IMMP2L: variants seen among roughly 807,000 people sequenced by gnomAD.
IMMP2L encodes mitochondrial inner membrane protease subunit 2.
Under a neutral mutation model 19.3 loss-of-function variants are expected in IMMP2L, and 18 were observed. The ratio of observed to expected loss-of-function variants is 0.93; its 90% confidence interval spans 0.64 to 1.38. The LOEUF is 1.38. Among genes scored for constraint, IMMP2L ranks in the 40% most tolerant of loss-of-function variants. IMMP2L has a pLI of 0.00. For missense variants in IMMP2L, 233 were observed against 218.2 expected, an observed-to-expected ratio of 1.07 and a Z score of -0.43; for synonymous variants, 76 against 73.0, an observed-to-expected ratio of 1.04 and a Z score of -0.21.
chr7:110,934,926 C>T (rs1246742252), intron 4 of IMMP2L, among the ~76,000 whole-genome samples: 2 of 152,140 alleles, frequency 1.3e-5, no homozygotes, highest in African/African-American at 4.8e-5. Context: ...ATATAGCACA[C>T]TGATAAGTCT....
chr7:110,869,747 C>A (rs991917879), intron 5 of IMMP2L, among the ~76,000 whole-genome samples: 6 of 152,054 alleles, frequency 3.9e-5, no homozygotes, highest in African/African-American at 1.4e-4. Flanking sequence ...ATTTGGGAAA[C>A]AGTGCTATAA....
intron 3 of IMMP2L, among the ~76,000 whole-genome samples, chr7:111,017,709 T>C (rs1167774479): frequency 1.3e-5 from 2 of 152,118 alleles, no homozygotes; most frequent in East Asian, 3.9e-4. Context: ...TTCACTGTCA[T>C]TCTCTCTCCC....
At chr7:111,065,019 T>A (rs959090336) in intron 3 of IMMP2L, among the ~76,000 whole-genome samples, 2 of 152,068 alleles carry the variant, frequency 1.3e-5, no homozygotes, top group African/African-American at 4.8e-5. Flanking sequence ...CCAAGCATGC[T>A]GAGGTGCTTG....
intron 4 of IMMP2L, among the ~76,000 whole-genome samples, chr7:110,960,107 T>G (rs1818778824): frequency 6.6e-6 from 1 of 151,990 alleles, no homozygotes; most frequent in Non-Finnish European, 1.5e-5. Context: ...CCCTTGGTAT[T>G]CCTAATCCTG....
At chr7:111,520,094 G>T (rs563317898) in intron 2 of IMMP2L, among the ~76,000 whole-genome samples, 1 of 152,152 alleles carries the variant, frequency 6.6e-6, no homozygotes, top group East Asian at 1.9e-4. Context: ...GATTAAAGAG[G>T]CAACGAATGT....
intron 3 of IMMP2L, among the ~76,000 whole-genome samples, chr7:111,309,365 GA>G (rs1281129954): frequency 6.6e-6 from 1 of 152,108 alleles, no homozygotes; most frequent in African/African-American, 2.4e-5. Context: ...CAGTTTGGAT[GA>G]GTATTATAAG....
At chr7:110,919,759 A>G (rs995815953) in intron 4 of IMMP2L, among the ~76,000 whole-genome samples, 2 of 152,174 alleles carry the variant, frequency 1.3e-5, no homozygotes, top group African/African-American at 4.8e-5. Flanking sequence ...GATTGCATTA[A>G]CCAAGTGTCA....
intron 3 of IMMP2L, among the ~76,000 whole-genome samples, chr7:111,161,942 C>T (rs1805308514): frequency 6.6e-6 from 1 of 151,972 alleles, no homozygotes; most frequent in Non-Finnish European, 1.5e-5. Context: ...AATTATATTA[C>T]GATATGCTTT....
chr7:110,874,040 G>T (rs921800560), intron 5 of IMMP2L, among the ~76,000 whole-genome samples: 2 of 152,078 alleles, frequency 1.3e-5, no homozygotes, highest in Non-Finnish European at 2.9e-5. Context: ...CAACCAAGTG[G>T]AAAGAATATA....
At chr7:111,089,616 C>A (rs1586187694) in intron 3 of IMMP2L, among the ~76,000 whole-genome samples, 2 of 151,980 alleles carry the variant, frequency 1.3e-5, no homozygotes, top group African/African-American at 2.4e-5. Flanking sequence ...CAACACTCAA[C>A]CATGATCCCT....
chr7:110,892,634 C>T (rs986513587), intron 4 of IMMP2L, among the ~76,000 whole-genome samples: 2 of 152,032 alleles, frequency 1.3e-5, no homozygotes, highest in African/African-American at 4.8e-5. Flanking sequence ...AACTATCATA[C>T]GTTGTAATGA....
intron 5 of IMMP2L, among the ~76,000 whole-genome samples, chr7:110,768,611 T>TTCAG (rs1353374227): frequency 2.0e-5 from 3 of 152,280 alleles, no homozygotes; most frequent in Admixed American, 6.5e-5. Context: ...ATGTTATTCC[T>TTCAG]TCAGCTTGGA....
intron 3 of IMMP2L, among the ~76,000 whole-genome samples, chr7:111,376,520 T>C (rs1279975675): frequency 6.6e-6 from 1 of 152,120 alleles, no homozygotes; most frequent in Non-Finnish European, 1.5e-5. Flanking sequence ...AACACAGAGT[T>C]ACCATATAAT....
In IMMP2L at chr7:111,142,335, A is replaced by AG. The variant is rs1562846896; in HGVS notation, c.240-178771_240-178770insC. Among the ~76,000 whole-genome samples the AG allele has an allele frequency of 6.1e-3, 381 of 62,736 alleles. 10 individuals carry two copies. Among genetic ancestry groups the AG allele is most frequent in the African/African-American group, 0.019 (353 of 18,922 alleles). 41.2% of individuals were successfully genotyped at this position (62,736 alleles called of 152,430 possible). A position where few individuals can be genotyped will look rare whatever the true frequency, so the allele number is the denominator to read the frequency against. On this transcript the variant is annotated intron_variant, in intron 3 of 5. Coordinates refer to ENST00000405709, the MANE Select transcript of IMMP2L (RefSeq NM_032549.4). ...GGTGAGACTCTGTCTCAAAAAAAAA[A>AG]AAAAAAAAGAAAGAAAGAAAGAAAG...
intron 5 of IMMP2L, among the ~76,000 whole-genome samples, chr7:110,782,166 A>T (rs146789831): frequency 0.022 from 3,314 of 151,984 alleles, 56 homozygotes; most frequent in Middle Eastern, 0.044. Context: ...TTAAATCCAG[A>T]TGTACACATA....
rs200365448 is a variant in IMMP2L at position 110,999,951 on chromosome 7, C to CTTGA, written c.240-36387_240-36386insTCAA. On this transcript the variant is annotated intron_variant, in intron 3 of 5. Transcript: ENST00000405709. ...TTAAGATGAGAGAGTGAGAAACTCC[C>CTTGA]TCAATTGGCAGAGTAAGAAGAGCTC... Among the ~76,000 whole-genome samples, 744 of 152,254 alleles carry CTTGA rather than the reference C, an allele frequency of 4.9e-3. 27 individuals are homozygous for CTTGA. The highest frequency in any genetic ancestry group is 0.036 in the Admixed American group (551 of 15,274).
Position 111,123,991 on chromosome 7 carries a change from G to A in IMMP2L, c.240-160426C>T. On this transcript the variant is annotated intron_variant, in intron 3 of 5. Transcript: ENST00000405709. The surrounding 1 kb of genome is among the most constrained non-coding windows in gnomAD (Gnocchi z 6.4). ...CCCACCTGAATTCCAAGGTCAGAAT[G>A]TTCGGCAAGTGCATTTCAGGGACAT... 6.2e-7 allele frequency: 1 copy of A among 1,614,042 alleles called. No homozygotes were observed. The highest frequency in any genetic ancestry group is 1.1e-5 in the South Asian group (1 of 91,072).
intron 3 of IMMP2L, among the ~76,000 whole-genome samples, chr7:111,130,523 T>C (rs1375980290): frequency 1.3e-5 from 2 of 152,146 alleles, no homozygotes; most frequent in Non-Finnish European, 2.9e-5. Context: ...TCTGAAGTTA[T>C]TGATTCAAAA....
intron 4 of IMMP2L, among the ~76,000 whole-genome samples, chr7:110,945,216 T>G (rs1443831912): frequency 6.6e-6 from 1 of 151,950 alleles, no homozygotes; most frequent in Non-Finnish European, 1.5e-5. Flanking sequence ...GGCTCCTGTT[T>G]ATGGAAGGCA....
Sources: gnomAD v4.1 joint callset for allele counts (sites outside exome capture counted in the v4.1 genomes callset) on GRCh38, gnomAD v4.1.1 for gene constraint, Gnocchi (gnomAD v3.1) non-coding constraint, MANE v1.5 for transcripts, NCBI Gene and HGNC (gene_info 2026-07-23, HGNC 2026-07-21) for gene names.